Variants in IGLON5 observed in about 807,000 individuals in gnomAD.
IGLON5 encodes the protein IgLON family member 5.
Under a neutral mutation model 38.2 loss-of-function variants are expected in IGLON5, and 16 were observed. The ratio of observed to expected loss-of-function variants is 0.42; its 90% CI spans 0.28 to 0.64. The LOEUF (loss-of-function observed/expected upper bound fraction) is 0.64. Among genes scored for constraint, IGLON5 ranks in the 30% least tolerant of loss-of-function variants. The pLI is 0.23. For missense variants in IGLON5, 366 were observed against 483.4 expected, an observed-to-expected ratio of 0.76 and a Z score of 2.28; for synonymous variants, 207 against 216.4, an observed-to-expected ratio of 0.96 and a Z score of 0.38.
intron 2 of IGLON5, among the ~76,000 whole-genome samples, chr19:51,322,985 G>GTC (rs1252566125): frequency 1.9e-4 from 24 of 125,208 alleles, no homozygotes; most frequent in African/African-American, 4.1e-4. Flanking sequence ...CTGGGTCTCT[G>GTC]TCTCTCTCTC....
Position 51,324,441 on chromosome 19 carries a change from G to A in IGLON5, c.391+547G>A, listed in dbSNP as rs547640066. 2.0e-5 allele frequency among the ~76,000 whole-genome samples: 3 copies of A among 152,280 alleles called. No homozygotes were observed. The highest frequency in any genetic ancestry group is 2.9e-5 in the Non-Finnish European group (2 of 68,022). ...GGGCTGGAGAGCTCCACAGTGAGGC[G>A]AGAGGCAGAGGGCATCTGAAATGGT... On this transcript the variant is annotated intron_variant, in intron 3 of 7. Transcript: ENST00000270642. This position sits in a 1 kb window ranked among gnomAD's most constrained non-coding sequence, Gnocchi z 4.2.
chr19:51,327,164 C>T lies in IGLON5; in HGVS notation c.731C>T (p.Pro244Leu). 6.2e-7 allele frequency: 1 copy of T among 1,612,472 alleles called. No homozygotes were observed. The highest frequency in any genetic ancestry group is 8.5e-7 in the Non-Finnish European group (1 of 1,179,676). Residue 244 changes from proline (P) to leucine (L), a missense_variant, in exon 6 of 8, where the codon CCC becomes CTC. Coordinates refer to ENST00000270642, the MANE Select transcript of IGLON5 (RefSeq NM_001101372.3). This position sits in a 1 kb window ranked among gnomAD's most constrained non-coding sequence, Gnocchi z 7.1. ...ALLRCEAMAV[P>L]PADFQWYKDD... ...CTGCGCTGCGAAGCCATGGCGGTTC[C>T]CCCCGCGGATTTCCAGTGGTACAAG...
intron 1 of IGLON5, among the ~76,000 whole-genome samples, chr19:51,313,743 G>A (rs1213074605): frequency 7.5e-6 from 1 of 133,960 alleles, no homozygotes; most frequent in East Asian, 2.2e-4. Flanking sequence ...TTTGAGACAG[G>A]GTCTGACTTT....
rs1481657181 is a variant in IGLON5, at chr19:51,329,129, T to TGGG, written c.*371_*372insGGG. The TGGG allele has an allele frequency of 8.7e-6, 1 of 114,342 alleles. No homozygotes were observed. 7.1% of individuals were successfully genotyped at this position (114,342 alleles called of 1,614,324 possible). A position where few individuals can be genotyped will look rare whatever the true frequency, so the allele number is the denominator to read the frequency against. On this transcript the variant is annotated 3_prime_UTR_variant, in exon 8 of 8. Transcript: ENST00000270642. The surrounding 1 kb of genome is among the most constrained non-coding windows in gnomAD (Gnocchi z 4.3). ...AGGTGTCTGTGTCTCTGTTTGTGTG[T>TGGG]GTGTGGGGGGGTGGGCTGGGGGAAG...
At chr19:51,312,676 TGG>T (rs1425867086) in intron 1 of IGLON5, among the ~76,000 whole-genome samples, 1 of 151,780 alleles carries the variant, frequency 6.6e-6, no homozygotes, top group Non-Finnish European at 1.5e-5. Flanking sequence ...GGCTGGACAG[TGG>T]AAGAGCGATG....
intron 2 of IGLON5, among the ~76,000 whole-genome samples, chr19:51,323,360 C>G (rs971339300): frequency 8.5e-5 from 13 of 152,108 alleles, no homozygotes; most frequent in African/African-American, 3.1e-4. Flanking sequence ...GTCTCTTTCT[C>G]CTTCCTTCTG....
At position 51,322,120 on chromosome 19, in the gene IGLON5, G is replaced by A. The variant is rs1238017063; in HGVS notation, c.136G>A (p.Glu46Lys). 6.2e-7 allele frequency: 1 copy of A among 1,613,170 alleles called. No individual in the cohort carries two copies. The highest frequency in any genetic ancestry group is 1.7e-5 in the Admixed American group (1 of 60,014). ...NSPADNYTVC[E>K]GDNATLSCFI... ...TCCTGCCGACAACTACACAGTGTGT[G>A]AAGGTGACAACGCCACCCTCAGGTA... is the stretch of plus-strand genomic sequence containing the variant. Residue 46 changes from glutamate (E) to lysine (K), a missense_variant, in exon 2 of 8, where the codon GAA becomes AAA. Transcript: ENST00000270642.
rs3890434 is a variant in IGLON5, at chr19:51,329,017, G to A, written c.*258G>A. 10,880 of 393,490 alleles carry A rather than the reference G, an allele frequency of 0.028. 1,102 individuals carry two copies. Among genetic ancestry groups the A allele is most frequent in the African/African-American group, 0.21 (10,009 of 47,386 alleles). 24.4% of individuals were successfully genotyped at this position (393,490 alleles called of 1,614,324 possible). On this transcript the variant is annotated 3_prime_UTR_variant, in exon 8 of 8. Coordinates refer to ENST00000270642, the MANE Select transcript of IGLON5 (RefSeq NM_001101372.3). This position sits in a 1 kb window ranked among gnomAD's most constrained non-coding sequence, Gnocchi z 4.3. ...ACGTTTCCGATTGTGACCCACTCCC[G>A]CCACCCCATACCCCTCTCTCTTAGC...
intron 2 of IGLON5, among the ~76,000 whole-genome samples, chr19:51,322,573 C>CCTCT (rs372781205): frequency 1.2e-3 from 161 of 133,392 alleles, no homozygotes; most frequent in East Asian, 3.7e-3. Flanking sequence ...TCTCTCCACG[C>CCTCT]CTCTCTCTCT....
Position 51,327,305 on chromosome 19 carries a change from T to C in IGLON5, c.767+105T>C. 1.4e-6 allele frequency: 2 copies of C among 1,473,196 alleles called. No individual in the cohort carries two copies. The highest frequency in any genetic ancestry group is 1.8e-6 in the Non-Finnish European group (2 of 1,095,720). 91.3% of individuals were successfully genotyped at this position (1,473,196 alleles called of 1,614,324 possible). On this transcript the variant is annotated intron_variant, in intron 6 of 7. Transcript: ENST00000270642. This position sits in a 1 kb window ranked among gnomAD's most constrained non-coding sequence, Gnocchi z 7.1. Reference sequence around the variant, plus strand: ...GCGGGGCGGGGGAAGGCAGCAGAGCTCTGGGTCCCGAACCTGGGGCGTCCA... The same window carrying C: ...GCGGGGCGGGGGAAGGCAGCAGAGCCCTGGGTCCCGAACCTGGGGCGTCCA...
At position 51,328,879 on chromosome 19, in the gene IGLON5, AAG is replaced by A. The variant is rs1490056622; in HGVS notation, c.*127_*128del. On this transcript the variant is annotated 3_prime_UTR_variant, in exon 8 of 8. Transcript: ENST00000270642. ...GAAGAGCTCTCGGCCACCAAGGAAG[AAG>A]AGAGAGGAGAAGAGGAGGAGGCAGA... 4.9e-6 allele frequency: 3 copies of A among 610,698 alleles called. No individual in the cohort carries two copies. The highest frequency in any genetic ancestry group is 3.9e-5 in the African/African-American group (2 of 51,870). 37.8% of individuals were successfully genotyped at this position (610,698 alleles called of 1,614,324 possible). A position where few individuals can be genotyped will look rare whatever the true frequency, so the allele number is the denominator to read the frequency against.
Position 51,327,780 on chromosome 19 carries a change from C to T in IGLON5, c.816C>T (p.Thr272=). 1 of 1,573,526 alleles carries T rather than the reference C, an allele frequency of 6.4e-7. No individual in the cohort carries two copies. Among genetic ancestry groups the T allele is most frequent in the Non-Finnish European group, 8.6e-7 (1 of 1,161,540 alleles). ...AEGLKVQTER[T]RSMLLFANVS... ...GCCTGAAGGTGCAGACGGAGCGCAC[C>T]CGCTCGATGCTTCTCTTTGCCAACG... Residue 272 remains threonine, a synonymous_variant, in exon 7 of 8, where the codon ACC becomes ACT. Transcript: ENST00000270642. The surrounding 1 kb of genome is among the most constrained non-coding windows in gnomAD (Gnocchi z 7.1).
At chr19:51,313,634 TC>T (rs1164310466) in intron 1 of IGLON5, among the ~76,000 whole-genome samples, 77 of 121,884 alleles carry the variant, frequency 6.3e-4, no homozygotes, top group South Asian at 3.5e-3. Flanking sequence ...TCTCTTTTTC[TC>T]TCTCTCTCTC....
chr19:51,321,915 G>A (rs1048794740), intron 1 of IGLON5, 149 bp from the exon 2 acceptor site: 4 of 676,582 alleles, frequency 5.9e-6, no homozygotes, highest in South Asian at 1.7e-5. Flanking sequence ...CCGCAAGGAC[G>A]TGTGTGTGCA....
intron 1 of IGLON5, among the ~76,000 whole-genome samples, chr19:51,321,457 G>A (rs1985054331): frequency 6.6e-6 from 1 of 152,152 alleles, no homozygotes; most frequent in Non-Finnish European, 1.5e-5. Flanking sequence ...GAGATTACAG[G>A]TGTGAGCCAC....
intron 7 of IGLON5, 148 bp from the exon 8 acceptor site, chr19:51,328,521 AAG>A (rs1985271883): frequency 1.8e-5 from 8 of 441,572 alleles, no homozygotes; most frequent in African/African-American, 8.3e-5. Flanking sequence ...AAAAAAAAAA[AAG>A]AAACAGAGTC....
At position 51,322,094 on chromosome 19, in the gene IGLON5, C is replaced by A; in HGVS notation, c.110C>A (p.Ser37Tyr). 6.2e-7 allele frequency: 1 copy of A among 1,613,462 alleles called. No individual in the cohort carries two copies. The highest frequency in any genetic ancestry group is 1.1e-5 in the South Asian group (1 of 91,084). ...GLLSQSLEFN[S>Y]PADNYTVCEG... ...CTCTCCCAGAGCCTGGAGTTCAACTCTCCTGCCGACAACTACACAGTGTGT... is the reference window on the plus strand; with the variant it reads ...CTCTCCCAGAGCCTGGAGTTCAACTATCCTGCCGACAACTACACAGTGTGT... Residue 37 changes from serine to tyrosine, a missense_variant, in exon 2 of 8, where the codon TCT (serine) becomes TAT (tyrosine). Transcript: ENST00000270642.
At chr19:51,322,578 C>CTA (rs1985093701) in intron 2 of IGLON5, among the ~76,000 whole-genome samples, 2 of 95,716 alleles carry the variant, frequency 2.1e-5, no homozygotes, top group East Asian at 6.7e-4. Context: ...CCACGCCTCT[C>CTA]TCTCTCTCTC....
chr19:51,314,592 T>G (rs539249544), intron 1 of IGLON5, among the ~76,000 whole-genome samples: 1 of 152,266 alleles, frequency 6.6e-6, no homozygotes, highest in South Asian at 2.1e-4. Flanking sequence ...TTTTCCCATC[T>G]CTGGTCTTAG....
Sources: gnomAD v4.1 joint callset for allele counts (sites outside exome capture counted in the v4.1 genomes callset) on GRCh38, gnomAD v4.1.1 for gene constraint, Gnocchi (gnomAD v3.1) non-coding constraint, MANE v1.5 for transcripts, NCBI Gene and HGNC (gene_info 2026-07-23, HGNC 2026-07-21) for gene names.